The following CENPE variants were observed in gnomAD, a reference collection of about 807,000 sequenced individuals.
The protein encoded by CENPE is centromere protein E, also known as centromere-associated protein E.
In CENPE, 145 loss-of-function variants were observed where a neutral mutation model predicts 336.1. The ratio of observed to expected loss-of-function variants is 0.43; its 90% CI spans 0.38 to 0.50. The LOEUF (loss-of-function observed/expected upper bound fraction) is 0.50. Among genes scored for constraint, CENPE ranks in the 20% least tolerant of loss-of-function variants. CENPE has a pLI of 0.00. For missense variants in CENPE, 2,719 were observed against 3,023.3 expected, an observed-to-expected ratio of 0.90 and a Z score of 2.36; for synonymous variants, 1,013 against 984.8, an observed-to-expected ratio of 1.03 and a Z score of -0.54.
At chr4:103,169,178 T>C (rs1755176554) in intron 16 of CENPE, among the ~76,000 whole-genome samples, 1 of 149,400 alleles carries the variant, frequency 6.7e-6, no homozygotes, top group African/African-American at 2.5e-5. Context: ...AGAACATCAA[T>C]AGAAGAATGG....
chr4:103,134,375 C>T (rs1263252503), intron 40 of CENPE, among the ~76,000 whole-genome samples: 2 of 152,092 alleles, frequency 1.3e-5, no homozygotes. Context: ...TGGCTCATGC[C>T]TGTAATCCCA....
At chr4:103,194,469 C>T (rs766944551) in intron 6 of CENPE, 28 bp from the exon 7 acceptor site, 6 of 1,524,514 alleles carry the variant, frequency 3.9e-6, no homozygotes, top group Non-Finnish European at 5.4e-6. Context: ...ATTTCAGCTG[C>T]ATATATAATA....
intron 8 of CENPE, among the ~76,000 whole-genome samples, chr4:103,188,556 A>T (rs1308707258): frequency 6.6e-6 from 1 of 152,170 alleles, no homozygotes; most frequent in African/African-American, 2.4e-5. Context: ...GGTACATAAC[A>T]AAATGAAGGC....
At chr4:103,136,404 AT>A (rs1404756564) in intron 39 of CENPE, 45 bp from the exon 40 acceptor site, 4 of 1,325,714 alleles carry the variant, frequency 3.0e-6, no homozygotes, top group Non-Finnish European at 4.2e-6. Flanking sequence ...ATTCATTCTA[AT>A]ATCACAATAA....
At chr4:103,132,960 T>TTATATATAATATATATATATATATATA (rs747843126) in intron 41 of CENPE, 64 bp from the exon 42 acceptor site, 9 of 144,300 alleles carry the variant, frequency 6.2e-5, no homozygotes, top group African/African-American at 3.2e-4. Flanking sequence ...AATATTTTAT[T>TTATATATAATATATATATATATATATA]TATATATATA....
chr4:103,144,228 GC>G, intron 33 of CENPE, 102 bp downstream of exon 33: 1 of 984,410 alleles, frequency 1.0e-6, no homozygotes, highest in Non-Finnish European at 1.5e-6. Flanking sequence ...GAGCCACCGC[GC>G]CCGGCCTGGA....
At chr4:103,133,617 C>G in intron 41 of CENPE, 78 bp downstream of exon 41, 1 of 941,534 alleles carries the variant, frequency 1.1e-6, no homozygotes, top group Non-Finnish European at 1.6e-6. Context: ...GAAAATAGCT[C>G]TAAGCACATG....
intron 39 of CENPE, 90 bp from the exon 40 acceptor site, chr4:103,136,449 T>C: frequency 2.4e-6 from 2 of 840,732 alleles, no homozygotes; most frequent in South Asian, 4.0e-5. Flanking sequence ...ACAAAACTTA[T>C]GCTTTAACAT....
In CENPE at chr4:103,145,237, C is replaced by T. The variant is rs552529056; in HGVS notation, c.4670G>A (p.Arg1557His). 1.1e-5 allele frequency: 18 copies of T among 1,613,484 alleles called. No individual in the cohort carries two copies. In the East Asian group the frequency reaches 1.6e-4, roughly 14 times the overall value. The change falls in exon 32 of 49, where the codon CGC (arginine) becomes CAC (histidine). Residue 1557 changes from arginine to histidine, a missense_variant. Transcript: ENST00000265148. ...VNELKQFKEH[R>H]KAKDSALQSI... Reference sequence around the variant, plus strand: ...TTGTAGTGCTGAATCCTTGGCTTTGCGATGCTCCTTGAATTGTTTCAGTTC... The same window carrying T: ...TTGTAGTGCTGAATCCTTGGCTTTGTGATGCTCCTTGAATTGTTTCAGTTC...
At chr4:103,171,015 T>C (rs1364158134) in intron 16 of CENPE, among the ~76,000 whole-genome samples, 1 of 151,998 alleles carries the variant, frequency 6.6e-6, no homozygotes, top group Non-Finnish European at 1.5e-5. Flanking sequence ...ACACTGAACA[T>C]GGCAGAATAT....
At position 103,130,737 on chromosome 4, in the gene CENPE, T is replaced by C. The variant is rs534248193; in HGVS notation, c.6924+1956A>G. Among the ~76,000 whole-genome samples, 8 of 152,240 alleles carry C rather than the reference T, an allele frequency of 5.3e-5. No homozygotes were observed. In the East Asian group the frequency reaches 1.3e-3, roughly 26 times the overall value. On this transcript the variant is annotated intron_variant, in intron 42 of 48. Coordinates refer to ENST00000265148, the MANE Select transcript of CENPE (RefSeq NM_001813.3). Reference sequence around the variant, plus strand: ...AACGACGTCAGAGAACTGATGTTACTTGACTTCCAGATTTACTATAAAAAT... The same window carrying C: ...AACGACGTCAGAGAACTGATGTTACCTGACTTCCAGATTTACTATAAAAAT...
At chr4:103,144,996 C>T in intron 32 of CENPE, 54 bp downstream of exon 32, 4 of 1,374,594 alleles carry the variant, frequency 2.9e-6, no homozygotes, top group Non-Finnish European at 3.9e-6. Flanking sequence ...CCGTCATTAT[C>T]ACCTTAACAC....
intron 39 of CENPE, among the ~76,000 whole-genome samples, chr4:103,138,049 G>A (rs546810900): frequency 8.5e-5 from 13 of 152,158 alleles, no homozygotes; most frequent in South Asian, 2.1e-4. Context: ...CTTTGTACTC[G>A]CTGTTCCCTT....
At position 103,159,091 on chromosome 4, in the gene CENPE, A is replaced by G. The variant is rs1357043438; in HGVS notation, c.2520T>C (p.Asn840=). The G allele has an allele frequency of 6.3e-7, 1 of 1,576,438 alleles. No homozygotes were observed. The highest frequency in any genetic ancestry group is 1.4e-5 in the African/African-American group (1 of 72,826). The change falls in exon 22 of 49, where the codon AAT becomes AAC. Residue 840 remains asparagine (N), a synonymous_variant. Coordinates refer to ENST00000265148, the MANE Select transcript of CENPE (RefSeq NM_001813.3). ...EQKYKMVLEE[N]ERMNQEIVNL... is the part of the protein sequence containing the mutation. Reference sequence around the variant, plus strand: ...TAACTATTTCCTGATTCATTCTCTCATTCTCCTCAAGGACCATCTTATACT... The same window carrying G: ...TAACTATTTCCTGATTCATTCTCTCGTTCTCCTCAAGGACCATCTTATACT...
chr4:103,142,934 G>A (rs1428925882), intron 34 of CENPE, among the ~76,000 whole-genome samples: 1 of 149,856 alleles, frequency 6.7e-6, no homozygotes, highest in African/African-American at 2.5e-5. Flanking sequence ...GCTTGAACCC[G>A]GGAGGCAGAC....
Position 103,183,272 on chromosome 4 carries a change from T to C in CENPE, c.762A>G (p.Glu254=). The part of the protein sequence containing the change: ...QTGAAGVRLK[E]GCNINRSLFI... ...ATAAGCTTCGATTTATATTACAGCCTTCCTTGAGCCGCACACCTGAATTTA... is the reference window on the plus strand; with the variant it reads ...ATAAGCTTCGATTTATATTACAGCCCTCCTTGAGCCGCACACCTGAATTTA... Residue 254 remains glutamate (E), a synonymous_variant, in exon 10 of 49, where the codon GAA becomes GAG. Coordinates refer to ENST00000265148, the MANE Select transcript of CENPE (RefSeq NM_001813.3). 6.2e-7 allele frequency: 1 copy of C among 1,612,668 alleles called. No individual in the cohort carries two copies. The highest frequency in any genetic ancestry group is 8.5e-7 in the Non-Finnish European group (1 of 1,179,288).
At chr4:103,135,649 C>T (rs902860758) in intron 40 of CENPE, among the ~76,000 whole-genome samples, 2 of 152,112 alleles carry the variant, frequency 1.3e-5, no homozygotes, top group African/African-American at 4.8e-5. Context: ...CTAGGCTTAT[C>T]TCCCTCAAAC....
intron 44 of CENPE, among the ~76,000 whole-genome samples, chr4:103,119,660 C>CA (rs1750436422): frequency 2.0e-5 from 3 of 152,082 alleles, no homozygotes; most frequent in African/African-American, 7.2e-5. Context: ...GGAACTAAAA[C>CA]AAGAGGGAGC....
At chr4:103,129,518 C>G (rs1751403726) in intron 42 of CENPE, among the ~76,000 whole-genome samples, 1 of 152,062 alleles carries the variant, frequency 6.6e-6, no homozygotes, top group South Asian at 2.1e-4. Flanking sequence ...GTGGGTGGAT[C>G]ACGAGGTCAG....
Sources: allele counts gnomAD v4.1 joint callset (sites outside exome capture counted in the v4.1 genomes callset), GRCh38; gene constraint gnomAD v4.1.1; transcripts MANE v1.5; gene names NCBI Gene and HGNC (gene_info 2026-07-23, HGNC 2026-07-21).